Variants in RANBP17 observed in about 807,000 individuals in gnomAD.
RANBP17 encodes the protein RAN binding protein 17, also known as ran-binding protein 17.
Under a neutral mutation model 141.2 loss-of-function variants are expected in RANBP17, and 158 were observed. That is an observed-to-expected ratio of 1.12 (90% CI 0.98 to 1.28). The LOEUF is 1.28. RANBP17 is among the 50% of genes most tolerant of loss of function. RANBP17 has a pLI of 0.00. For synonymous variants in RANBP17, 430 were observed against 450.0 expected, an observed-to-expected ratio of 0.96 and a Z score of 0.56; for missense variants, 1,438 against 1,290.7, an observed-to-expected ratio of 1.11 and a Z score of -1.75.
chr5:170,969,854 T>C (rs1256304145), intron 14 of RANBP17, among the ~76,000 whole-genome samples: 4 of 152,016 alleles, frequency 2.6e-5, no homozygotes, highest in African/African-American at 4.8e-5. Flanking sequence ...GACTCCTTTA[T>C]TGTAACTTTA....
At chr5:171,136,264 CA>C (rs1405625868) in intron 14 of RANBP17, among the ~76,000 whole-genome samples, 2 of 151,898 alleles carry the variant, frequency 1.3e-5, no homozygotes, top group African/African-American at 4.8e-5. Flanking sequence ...ATGAGAATGC[CA>C]AGTGGGAAGC....
intron 2 of RANBP17, among the ~76,000 whole-genome samples, chr5:170,880,750 A>G (rs996238972): frequency 6.6e-6 from 1 of 152,060 alleles, no homozygotes; most frequent in Non-Finnish European, 1.5e-5. Context: ...AATAGTCCAT[A>G]CTCCATTGTG....
At chr5:170,958,030 T>C (rs10038897) in intron 13 of RANBP17, among the ~76,000 whole-genome samples, 91,239 of 151,948 alleles carry the variant, frequency 0.6, 29,162 homozygotes, top group South Asian at 0.89. Flanking sequence ...GAACCAACTA[T>C]GTAAGGTGGT....
chr5:171,123,255 C>T (rs1226768604), intron 14 of RANBP17, among the ~76,000 whole-genome samples: 1 of 152,158 alleles, frequency 6.6e-6, no homozygotes, highest in Non-Finnish European at 1.5e-5. Flanking sequence ...TGCTGGTACC[C>T]ACACATGTCA....
At chr5:171,247,387 C>T (rs1298990226) in intron 24 of RANBP17, among the ~76,000 whole-genome samples, 1 of 152,156 alleles carries the variant, frequency 6.6e-6, no homozygotes, top group African/African-American at 2.4e-5. Flanking sequence ...TTGAAAGTAA[C>T]TACTTGAATT....
In RANBP17 at chr5:170,958,514, T is replaced by C. The variant is rs557350702; in HGVS notation, c.1574+4812T>C. Among the ~76,000 whole-genome samples, 5 of 152,298 alleles carry C rather than the reference T, an allele frequency of 3.3e-5. No homozygotes were observed. The East Asian group carries it at 9.6e-4, about 29-fold the overall frequency. Reference sequence around the variant, plus strand: ...TTACACAACAGTCTGGAAATAAATATGTATTTTAGAATATTGAGATTCTAA... The same window carrying C: ...TTACACAACAGTCTGGAAATAAATACGTATTTTAGAATATTGAGATTCTAA... On this transcript the variant is annotated intron_variant, in intron 13 of 27. Coordinates refer to ENST00000523189, the MANE Select transcript of RANBP17 (RefSeq NM_022897.5).
At chr5:170,865,005 A>G (rs1226744233) in intron 1 of RANBP17, among the ~76,000 whole-genome samples, 1 of 152,154 alleles carries the variant, frequency 6.6e-6, no homozygotes, top group Non-Finnish European at 1.5e-5. Flanking sequence ...CATCTTTTCT[A>G]TCTTCATTCT....
chr5:171,285,687 C>T (rs770024193), intron 25 of RANBP17, among the ~76,000 whole-genome samples: 18 of 152,110 alleles, frequency 1.2e-4, no homozygotes, highest in African/African-American at 3.9e-4. Context: ...ATTTACTACT[C>T]GTAAAAAGTT....
At chr5:171,165,709 T>C (rs1029347293) in intron 14 of RANBP17, among the ~76,000 whole-genome samples, 1 of 152,182 alleles carries the variant, frequency 6.6e-6, no homozygotes, top group African/African-American at 2.4e-5. Context: ...GAGTACATGC[T>C]GAAAATAGTG....
At chr5:171,153,048 T>A (rs1358343231) in intron 14 of RANBP17, among the ~76,000 whole-genome samples, 5 of 152,198 alleles carry the variant, frequency 3.3e-5, no homozygotes, top group Non-Finnish European at 7.3e-5. Flanking sequence ...AGGTTTGAGA[T>A]TCTTGAGGAA....
chr5:171,062,445 C>A (rs556538726), intron 14 of RANBP17, among the ~76,000 whole-genome samples: 4 of 152,254 alleles, frequency 2.6e-5, no homozygotes, highest in Non-Finnish European at 4.4e-5. Flanking sequence ...ATATGAAATT[C>A]TGGGTTGAAA....
intron 25 of RANBP17, among the ~76,000 whole-genome samples, chr5:171,269,260 G>C (rs1434506986): frequency 6.6e-6 from 1 of 152,130 alleles, no homozygotes; most frequent in Non-Finnish European, 1.5e-5. Context: ...CGTCTCAAAA[G>C]CTCTTTTGAA....
intron 14 of RANBP17, among the ~76,000 whole-genome samples, chr5:171,002,569 G>A (rs1255250806): frequency 1.3e-5 from 2 of 152,114 alleles, no homozygotes; most frequent in African/African-American, 4.8e-5. Context: ...GATATGGAAG[G>A]CATATTTAGA....
At chr5:171,137,608 G>GTGTGTGTGTGTGTGTC (rs1757395544) in intron 14 of RANBP17, among the ~76,000 whole-genome samples, 4 of 143,728 alleles carry the variant, frequency 2.8e-5, no homozygotes, top group African/African-American at 7.9e-5. Flanking sequence ...GTGTGTGTCT[G>GTGTGTGTGTGTGTGTC]TGTGTGTGTG....
rs555401518 is a variant in RANBP17 at position 171,090,049 on chromosome 5, G to GA, written c.1711-80077dup. ...GGTACCAGGAGAGTGGGGCACTGCT[G>GA]AAAAGAGACCCGAAAATATGGAAGC... On this transcript the variant is annotated intron_variant, in intron 14 of 27. Coordinates refer to ENST00000523189, the MANE Select transcript of RANBP17 (RefSeq NM_022897.5). 2.4e-3 allele frequency among the ~76,000 whole-genome samples: 365 copies of GA among 152,306 alleles called. 2 individuals are homozygous for GA. The highest frequency in any genetic ancestry group is 8.4e-3 in the African/African-American group (349 of 41,574).
chr5:171,127,180 A>G (rs1183947850), intron 14 of RANBP17, among the ~76,000 whole-genome samples: 1 of 152,240 alleles, frequency 6.6e-6, no homozygotes, highest in Non-Finnish European at 1.5e-5. Context: ...ATATGTAAAT[A>G]AATGAACGTG....
intron 14 of RANBP17, among the ~76,000 whole-genome samples, chr5:171,137,462 G>A (rs539505822): frequency 7.9e-5 from 12 of 152,180 alleles, no homozygotes; most frequent in African/African-American, 2.4e-4. Context: ...TTTTGCTACA[G>A]GGTTGTCATT....
chr5:171,050,469 C>T (rs527995730), intron 14 of RANBP17, among the ~76,000 whole-genome samples: 2 of 152,220 alleles, frequency 1.3e-5, no homozygotes, highest in African/African-American at 4.8e-5. Context: ...CATCTTTAAT[C>T]CCAGCACTTT....
intron 14 of RANBP17, among the ~76,000 whole-genome samples, chr5:171,130,431 C>CTTTT (rs72051535): frequency 0.053 from 4,765 of 89,956 alleles, 557 homozygotes; most frequent in Middle Eastern, 0.071. Flanking sequence ...TTTAAAAAGA[C>CTTTT]TTTTTTTTTT....
Sources: gnomAD v4.1 joint callset for allele counts (sites outside exome capture counted in the v4.1 genomes callset) on GRCh38, gnomAD v4.1.1 for gene constraint, MANE v1.5 for transcripts, NCBI Gene and HGNC (gene_info 2026-07-23, HGNC 2026-07-21) for gene names.